Variants in ITPKB observed in about 807,000 individuals in gnomAD.
The protein encoded by ITPKB is inositol-trisphosphate 3-kinase B.
A neutral mutation model predicts 69.4 loss-of-function variants in ITPKB; 13 were observed. The observed-to-expected ratio is 0.19, with a 90% confidence interval of 0.12 to 0.30. The LOEUF (loss-of-function observed/expected upper bound fraction) is 0.30, where lower values mean the gene tolerates loss of function less well. Among genes scored for constraint, ITPKB ranks in the 10% least tolerant of loss-of-function variants. The pLI, the probability that ITPKB is intolerant of heterozygous loss-of-function variation, is 1.00. For synonymous variants in ITPKB, 584 were observed against 513.7 expected, an observed-to-expected ratio of 1.14 and a Z score of -1.85; for missense variants, 1,240 against 1,250.5, an observed-to-expected ratio of 0.99 and a Z score of 0.13.
chr1:226,677,349 C>T (rs1655911756), intron 2 of ITPKB, among the ~76,000 whole-genome samples: 1 of 152,176 alleles, frequency 6.6e-6, no homozygotes, highest in African/African-American at 2.4e-5. Flanking sequence ...GGGGAGAGAC[C>T]TTGGTGTCAG....
At chr1:226,695,392 G>A (rs1387445055) in intron 2 of ITPKB, among the ~76,000 whole-genome samples, 2 of 152,174 alleles carry the variant, frequency 1.3e-5, no homozygotes, top group African/African-American at 4.8e-5. Context: ...TAAATCAATT[G>A]TGCAAAGTGA....
At chr1:226,707,592 CGGGCAGTG>C in intron 2 of ITPKB, 1 of 986,678 alleles carries the variant, frequency 1.0e-6, no homozygotes, top group Non-Finnish European at 1.2e-6. Context: ...TCAACATGTT[CGGGCAGTG>C]GGGGCTCAAT....
chr1:226,735,262 G>A (rs967151727), intron 2 of ITPKB, among the ~76,000 whole-genome samples: 6 of 152,182 alleles, frequency 3.9e-5, no homozygotes, highest in Non-Finnish European at 5.9e-5. Flanking sequence ...TGACCTACAT[G>A]AAATACTTTT....
At chr1:226,669,272 CG>C (rs1571850475) in intron 2 of ITPKB, 2 of 152,236 alleles carry the variant, frequency 1.3e-5, no homozygotes, top group East Asian at 3.9e-4. Flanking sequence ...AAAAATTAGC[CG>C]GGCGTGGTGG....
chr1:226,645,525 A>G lies in ITPKB; in HGVS notation c.2246+1642T>C, dbSNP rs3754382. ...TGTCTTTGGGACAGCCGACTTCCAG[A>G]AATGCCCAGCCAGTGTTCTTCACAC... is the stretch of plus-strand genomic sequence containing the variant. On this transcript the variant is annotated intron_variant, in intron 4 of 7. Coordinates refer to ENST00000429204, the MANE Select transcript of ITPKB (RefSeq NM_002221.4). 8.4e-3 allele frequency among the ~76,000 whole-genome samples: 1,279 copies of G among 152,278 alleles called. 45 individuals carry two copies. The highest frequency in any genetic ancestry group is 0.061 in the Admixed American group (930 of 15,300).
At chr1:226,635,221 CCCTTCCTT>C (rs771328755) in intron 7 of ITPKB, among the ~76,000 whole-genome samples, 6 of 151,822 alleles carry the variant, frequency 4.0e-5, no homozygotes, top group African/African-American at 7.2e-5. Flanking sequence ...TTCCTTTCTT[CCCTTCCTT>C]CCTTCCTTCC....
Position 226,634,830 on chromosome 1 carries a change from C to A in ITPKB, c.2682G>T (p.Trp894Cys). The change falls in exon 8 of 8, where the codon TGG (tryptophan) becomes TGT (cysteine). Residue 894 changes from tryptophan to cysteine, a missense_variant. By Grantham distance (215) the Trp-to-Cys change is radical. Transcript: ENST00000429204. This position sits in a 1 kb window ranked among gnomAD's most constrained non-coding sequence, Gnocchi z 6.3. ...IHDKKEQAKVWMIDFGKTTPL... is the reference protein window; with the variant it reads ...IHDKKEQAKVCMIDFGKTTPL... Reference sequence around the variant, plus strand: ...GCGTGGTTTTCCCAAAGTCGATCATCCACACTTTGGCCTGTTCCTTCTTGT... The same window carrying A: ...GCGTGGTTTTCCCAAAGTCGATCATACACACTTTGGCCTGTTCCTTCTTGT... 1.2e-6 allele frequency: 2 copies of A among 1,613,950 alleles called. No homozygotes were observed. The highest frequency in any genetic ancestry group is 1.7e-6 in the Non-Finnish European group (2 of 1,179,806).
rs778538440 is a variant in ITPKB at position 226,736,022 on chromosome 1, C to A, written c.1437G>T (p.Leu479Phe). 5 of 1,613,784 alleles carry A rather than the reference C, an allele frequency of 3.1e-6. No homozygotes were observed. The highest frequency in any genetic ancestry group is 2.2e-5 in the East Asian group (1 of 44,864). The change falls in exon 2 of 8, where the codon TTG becomes TTT. Residue 479 changes from leucine to phenylalanine, a missense_variant. Coordinates refer to ENST00000429204, the MANE Select transcript of ITPKB (RefSeq NM_002221.4). ...GIPSGRMLEP[L>F]PCWDAAKDLK... The stretch of plus-strand genomic sequence containing the variant: ...GATCTTTCGCAGCGTCCCAACAGGG[C>A]AAAGGCTCCAGCATTCTGCCAGAAG...
chr1:226,713,062 GCA>G (rs769805647), intron 2 of ITPKB, among the ~76,000 whole-genome samples: 1 of 151,858 alleles, frequency 6.6e-6, no homozygotes, highest in East Asian at 1.9e-4. Flanking sequence ...ACACATGCAT[GCA>G]CACACACATA....
chr1:226,634,963 AC>A lies in ITPKB; in HGVS notation c.2626-78del. The A allele has an allele frequency of 1.7e-6, 2 of 1,165,224 alleles. No homozygotes were observed. Among genetic ancestry groups the A allele is most frequent in the Non-Finnish European group, 2.5e-6 (2 of 810,880 alleles). The allele number at this position is 1,165,224 out of a possible 1,614,324, so 72.2% of individuals were successfully genotyped here. On this transcript the variant is annotated intron_variant, in intron 7 of 7. Coordinates refer to ENST00000429204, the MANE Select transcript of ITPKB (RefSeq NM_002221.4). This position sits in a 1 kb window ranked among gnomAD's most constrained non-coding sequence, Gnocchi z 6.3. ...CCCACTGCGGCCCGGGGCCTGGGTG[AC>A]CAGGTGGGGAGGCTCGCTCAGGCCG...
At chr1:226,670,672 G>A (rs1669596525) in intron 2 of ITPKB, among the ~76,000 whole-genome samples, 1 of 152,190 alleles carries the variant, frequency 6.6e-6, no homozygotes, top group African/African-American at 2.4e-5. Context: ...AAGAGTAGTT[G>A]TACTAATACG....
rs1413510038 is a variant in ITPKB at position 226,641,119 on chromosome 1, G to C, written c.2451+802C>G. On this transcript the variant is annotated intron_variant, in intron 5 of 7. Coordinates refer to ENST00000429204, the MANE Select transcript of ITPKB (RefSeq NM_002221.4). This position sits in a 1 kb window ranked among gnomAD's most constrained non-coding sequence, Gnocchi z 4.6. ...AAGCCCGGCTCTTGCAAATTTAACA[G>C]CAAGGGTGCACACAGGGGCCCAGGG... is the stretch of plus-strand genomic sequence containing the variant. 6.6e-6 allele frequency among the ~76,000 whole-genome samples: 1 copy of C among 152,228 alleles called. No individual in the cohort carries two copies. The highest frequency in any genetic ancestry group is 1.5e-5 in the Non-Finnish European group (1 of 68,034).
In ITPKB at chr1:226,641,972, C is replaced by A; in HGVS notation, c.2400G>T (p.Arg800=). 1 of 1,614,186 alleles carries A rather than the reference C, an allele frequency of 6.2e-7. No individual in the cohort carries two copies. The change falls in exon 5 of 8, where the codon CGG becomes CGT. Residue 800 remains arginine (R), a synonymous_variant. Transcript: ENST00000429204. The surrounding 1 kb of genome is among the most constrained non-coding windows in gnomAD (Gnocchi z 4.6). ...GGGTGGCCGTGGAGCTGATGGTCTCCCGCCACTGCATGTACCGTGGCTTGG... is the reference window on the plus strand; with the variant it reads ...GGGTGGCCGTGGAGCTGATGGTCTCACGCCACTGCATGTACCGTGGCTTGG... ...AVTKPRYMQW[R]ETISSTATLG...
At chr1:226,639,423 A>G in intron 6 of ITPKB, 134 bp downstream of exon 6, 1 of 669,494 alleles carries the variant, frequency 1.5e-6, no homozygotes, top group East Asian at 2.6e-5. Flanking sequence ...GCCTCTCTAC[A>G]GAGCCCTACG....
At chr1:226,712,436 G>T (rs114100370) in intron 2 of ITPKB, among the ~76,000 whole-genome samples, 2 of 152,200 alleles carry the variant, frequency 1.3e-5, no homozygotes, top group African/African-American at 2.4e-5. Flanking sequence ...GAAGAAAGCC[G>T]AGGCTGTGTG....
intron 2 of ITPKB, among the ~76,000 whole-genome samples, chr1:226,649,394 G>A (rs977751335): frequency 1.4e-5 from 2 of 143,800 alleles, no homozygotes; most frequent in African/African-American, 2.6e-5. Flanking sequence ...ATGTGTGCAT[G>A]AGTGTGTGTG....
intron 2 of ITPKB, among the ~76,000 whole-genome samples, chr1:226,712,897 T>C (rs576258551): frequency 6.6e-6 from 1 of 152,166 alleles, no homozygotes; most frequent in South Asian, 2.1e-4. Flanking sequence ...AACCACAGGA[T>C]GGTCAGTAAC....
rs778564551 is a variant in ITPKB at position 226,649,290 on chromosome 1, CGTGTGTGTGCAT to C, written c.1933-531_1933-520del. Among the ~76,000 whole-genome samples the C allele has an allele frequency of 1.7e-4, 24 of 139,246 alleles. 1 individual carries two copies. The highest frequency in any genetic ancestry group is 5.2e-4 in the African/African-American group (19 of 36,704). The allele number at this position is 139,246 out of a possible 152,430, so 91.4% of individuals were successfully genotyped here. A position where few individuals can be genotyped will look rare whatever the true frequency, so the allele number is the denominator to read the frequency against. On this transcript the variant is annotated intron_variant, in intron 2 of 7. Transcript: ENST00000429204. ...GACTGGGAGTGTGCATGTGTGTGTGCGTGTGTGTGCATGTGTGTGTGCATATGTGTGCATGAG... is the reference window on the plus strand; with the variant it reads ...GACTGGGAGTGTGCATGTGTGTGTGCGTGTGTGTGCATATGTGTGCATGAG...
Position 226,633,503 on chromosome 1 carries a change from A to T in ITPKB, c.*1168T>A, listed in dbSNP as rs1361340298. 1 of 152,242 alleles carries T rather than the reference A, an allele frequency of 6.6e-6. No homozygotes were observed. The allele number at this position is 152,242 out of a possible 1,614,324, so 9.4% of individuals were successfully genotyped here. A position where few individuals can be genotyped will look rare whatever the true frequency, so the allele number is the denominator to read the frequency against. ...GTTCTCCACGAATCTCCAAATGCAG[A>T]GACTTCAGGAAGAGGTGCCTGGAGC... is the stretch of plus-strand genomic sequence containing the variant. On this transcript the variant is annotated 3_prime_UTR_variant, in exon 8 of 8. Coordinates refer to ENST00000429204, the MANE Select transcript of ITPKB (RefSeq NM_002221.4).
Sources: allele counts gnomAD v4.1 joint callset (sites outside exome capture counted in the v4.1 genomes callset), GRCh38; gene constraint gnomAD v4.1.1; non-coding constraint Gnocchi (gnomAD v3.1); transcripts MANE v1.5; gene names NCBI Gene and HGNC (gene_info 2026-07-23, HGNC 2026-07-21).